ULK4: variants seen among roughly 807,000 people sequenced by gnomAD.
ULK4 encodes the protein unc-51 like kinase 4.
In ULK4, 133 loss-of-function variants were observed where a neutral mutation model predicts 160.6. The ratio of observed to expected loss-of-function variants is 0.83; its 90% CI spans 0.72 to 0.96. ULK4 has a LOEUF of 0.96. ULK4 is among the 40% of genes least tolerant of loss of function. The pLI is 0.00. For missense variants in ULK4, 1,580 were observed against 1,499.5 expected, an observed-to-expected ratio of 1.05 and a Z score of -0.89; for synonymous variants, 534 against 539.8, an observed-to-expected ratio of 0.99 and a Z score of 0.15.
chr3:41,349,035 G>A (rs1358091493), intron 35 of ULK4, among the ~76,000 whole-genome samples: 1 of 152,164 alleles, frequency 6.6e-6, no homozygotes, highest in Non-Finnish European at 1.5e-5. Flanking sequence ...CTGAGACACT[G>A]GTCCAAACAG....
intron 32 of ULK4, among the ~76,000 whole-genome samples, chr3:41,541,507 G>A (rs1310948488): frequency 6.6e-6 from 1 of 152,106 alleles, no homozygotes; most frequent in Non-Finnish European, 1.5e-5. Flanking sequence ...TCTTGGCTAT[G>A]TGGGCTCTTT....
chr3:41,446,008 G>T (rs2083288202), intron 34 of ULK4, among the ~76,000 whole-genome samples: 1 of 151,750 alleles, frequency 6.6e-6, no homozygotes, highest in Non-Finnish European at 1.5e-5. Flanking sequence ...AATCTACAAT[G>T]AACTCAAACA....
chr3:41,487,201 T>C (rs2084570321), intron 32 of ULK4, among the ~76,000 whole-genome samples: 1 of 152,066 alleles, frequency 6.6e-6, no homozygotes, highest in Non-Finnish European at 1.5e-5. Context: ...TATGTAAAGA[T>C]ATAAAAGGAA....
At chr3:41,488,836 C>G (rs981653074) in intron 32 of ULK4, among the ~76,000 whole-genome samples, 4 of 152,142 alleles carry the variant, frequency 2.6e-5, no homozygotes, top group African/African-American at 9.7e-5. Flanking sequence ...GCTGGCTTTG[C>G]TTGCCTAAAT....
chr3:41,287,966 A>G (rs1258895760), intron 35 of ULK4, among the ~76,000 whole-genome samples: 1 of 152,214 alleles, frequency 6.6e-6, no homozygotes, highest in Non-Finnish European at 1.5e-5. Flanking sequence ...TCTTGATCCC[A>G]TGAGCCTGGG....
At chr3:41,346,556 G>A (rs1006109248) in intron 35 of ULK4, among the ~76,000 whole-genome samples, 2 of 152,194 alleles carry the variant, frequency 1.3e-5, no homozygotes, top group African/African-American at 2.4e-5. Context: ...CAGGTATGAG[G>A]AGGAACGGAC....
chr3:41,290,121 C>T (rs567406110), intron 35 of ULK4, among the ~76,000 whole-genome samples: 20 of 152,204 alleles, frequency 1.3e-4, no homozygotes, highest in African/African-American at 4.6e-4. Context: ...GTGATCTGCC[C>T]GCCTTGGCCT....
rs141263210 is a variant in ULK4 at position 41,662,563 on chromosome 3, A to C, written c.3071+1044T>G. 8.5e-3 allele frequency among the ~76,000 whole-genome samples: 1,296 copies of C among 152,256 alleles called. 11 individuals carry two copies. The highest frequency in any genetic ancestry group is 0.017 in the South Asian group (82 of 4,818). On this transcript the variant is annotated intron_variant, in intron 30 of 36. Transcript: ENST00000301831. ...ACAACAGTCACAGTGGCTCATAATA[A>C]TGCAATACTTTCTGTGACTGGACAG...
chr3:41,897,706 C>T (rs73069208), intron 14 of ULK4, among the ~76,000 whole-genome samples: 19,027 of 151,970 alleles, frequency 0.13, 1,367 homozygotes, highest in Middle Eastern at 0.27. Context: ...CTTTCAAAAA[C>T]GTCCTTCTAC....
intron 25 of ULK4, among the ~76,000 whole-genome samples, chr3:41,714,784 G>T (rs578182681): frequency 3.3e-5 from 5 of 149,820 alleles, no homozygotes; most frequent in African/African-American, 1.3e-4. Flanking sequence ...CCCAGGAGGC[G>T]GAGGTTGCAG....
intron 35 of ULK4, among the ~76,000 whole-genome samples, chr3:41,360,430 G>A (rs577312990): frequency 2.0e-5 from 3 of 152,214 alleles, no homozygotes; most frequent in African/African-American, 7.2e-5. Context: ...ATACCTAAAG[G>A]AATAGAAATC....
intron 16 of ULK4, among the ~76,000 whole-genome samples, chr3:41,888,038 T>C (rs1211631010): frequency 6.6e-6 from 1 of 151,884 alleles, no homozygotes; most frequent in Non-Finnish European, 1.5e-5. Context: ...TAGCCAGGCA[T>C]GGTAACATGC....
chr3:41,782,114 G>A (rs2039860601), intron 21 of ULK4, among the ~76,000 whole-genome samples: 1 of 150,692 alleles, frequency 6.6e-6, no homozygotes, highest in African/African-American at 2.4e-5. Flanking sequence ...TATTCTCACA[G>A]TAACCTTTCT....
intron 30 of ULK4, among the ~76,000 whole-genome samples, chr3:41,654,243 CAGACA>C (rs1300030705): frequency 3.3e-5 from 5 of 152,142 alleles, no homozygotes; most frequent in African/African-American, 9.7e-5. Context: ...TCTCTAGAAC[CAGACA>C]AGACAACAAA....
At chr3:41,926,437 T>C (rs1699387598) in intron 5 of ULK4, among the ~76,000 whole-genome samples, 1 of 152,146 alleles carries the variant, frequency 6.6e-6, no homozygotes, top group African/African-American at 2.4e-5. Flanking sequence ...AGAACGCCTC[T>C]TCTCCTCCAA....
At chr3:41,617,430 A>G (rs2033030343) in intron 30 of ULK4, among the ~76,000 whole-genome samples, 1 of 152,228 alleles carries the variant, frequency 6.6e-6, no homozygotes. Context: ...ATAAGCAGGC[A>G]GCAATCTTTG....
chr3:41,889,552 G>A (rs1697842178), intron 16 of ULK4, among the ~76,000 whole-genome samples: 1 of 152,160 alleles, frequency 6.6e-6, no homozygotes, highest in Admixed American at 6.5e-5. Flanking sequence ...GAGGGTGGGA[G>A]GAGGGAGAGG....
intron 21 of ULK4, among the ~76,000 whole-genome samples, chr3:41,787,434 C>G (rs1443659096): frequency 6.6e-6 from 1 of 152,182 alleles, no homozygotes; most frequent in Non-Finnish European, 1.5e-5. Context: ...TAATGAGGAG[C>G]TCTTCTACCT....
At chr3:41,729,218 G>A (rs141514096) in intron 22 of ULK4, among the ~76,000 whole-genome samples, 29 of 152,202 alleles carry the variant, frequency 1.9e-4, no homozygotes, top group Non-Finnish European at 2.9e-4. Context: ...GGATCAACTC[G>A]GAATCATGAG....
Sources: gnomAD v4.1 joint callset for allele counts (sites outside exome capture counted in the v4.1 genomes callset) on GRCh38, gnomAD v4.1.1 for gene constraint, MANE v1.5 for transcripts, NCBI Gene and HGNC (gene_info 2026-07-23, HGNC 2026-07-21) for gene names.